Variants in APPL1 observed in about 807,000 individuals in gnomAD.
The protein encoded by APPL1 is DCC-interacting protein 13-alpha.
A neutral mutation model predicts 106.8 loss-of-function variants in APPL1; 42 were observed. The ratio of observed to expected loss-of-function variants is 0.39; its 90% confidence interval spans 0.31 to 0.51. The LOEUF is 0.51. APPL1 is among the 20% of genes least tolerant of loss of function. The probability of loss-of-function intolerance (pLI) is 0.75; values close to 1 mark genes in which losing one functional copy is unlikely to be tolerated. For synonymous variants in APPL1, 263 were observed against 281.8 expected (o/e 0.93, Z 0.67); for missense variants, 769 against 858.2 (o/e 0.90, Z 1.30).
chr3:57,254,854 A>G (rs1233049912), intron 13 of APPL1, among the ~76,000 whole-genome samples: 3 of 152,024 alleles, frequency 2.0e-5, no homozygotes, highest in African/African-American at 7.2e-5. Flanking sequence ...TGAACTTCCA[A>G]CTTCAGGTGA....
intron 4 of APPL1, among the ~76,000 whole-genome samples, chr3:57,240,162 C>T (rs1325818838): frequency 4.2e-5 from 6 of 143,958 alleles, no homozygotes; most frequent in South Asian, 4.6e-4. Flanking sequence ...CTTGATGGTG[C>T]GCTTTCATGC....
At chr3:57,235,481 C>A in intron 1 of APPL1, 85 bp from the exon 2 acceptor site, 1 of 788,260 alleles carries the variant, frequency 1.3e-6, no homozygotes, top group African/African-American at 1.7e-5. Flanking sequence ...TAATATCCTA[C>A]GATTTTTGCT....
chr3:57,236,946 T>A (rs1341610828), intron 2 of APPL1, among the ~76,000 whole-genome samples: 1 of 152,190 alleles, frequency 6.6e-6, no homozygotes, highest in Non-Finnish European at 1.5e-5. Flanking sequence ...TGTTGTTTAG[T>A]TTTTCCTTGT....
At position 57,228,925 on chromosome 3, in the gene APPL1, AAAG is replaced by A. The variant is rs1256254074; in HGVS notation, c.54+994_54+996del. Among the ~76,000 whole-genome samples the A allele has an allele frequency of 6.6e-6, 1 of 152,226 alleles. No homozygotes were observed. Among genetic ancestry groups the A allele is most frequent in the Non-Finnish European group, 1.5e-5 (1 of 68,040 alleles). On this transcript the variant is annotated intron_variant, in intron 1 of 21. Transcript: ENST00000288266. This position sits in a 1 kb window ranked among gnomAD's most constrained non-coding sequence, Gnocchi z 4.6. ...GTCTTTACAGTTGAACATGGCCCCC[AAAG>A]AAGAAAAGCAGAAGAGGTCTAGATC...
intron 11 of APPL1, among the ~76,000 whole-genome samples, chr3:57,250,165 G>A (rs1579391787): frequency 6.6e-6 from 1 of 151,984 alleles, no homozygotes; most frequent in East Asian, 1.9e-4. Flanking sequence ...TTTTGAGGCG[G>A]GGTCTTACTG....
In APPL1 at chr3:57,227,866, C is replaced by T. The variant is rs7643644; in HGVS notation, c.-18C>T. 19,381 of 1,458,332 alleles carry T rather than the reference C, an allele frequency of 0.013. 2,171 individuals are homozygous for T. In the African/African-American group the frequency reaches 0.25, roughly 18 times the overall value. 90.3% of individuals were successfully genotyped at this position (1,458,332 alleles called of 1,614,324 possible). On this transcript the variant is annotated 5_prime_UTR_variant, in exon 1 of 22. Transcript: ENST00000288266. The stretch of plus-strand genomic sequence containing the variant: ...GGGCGGCAGCTGCGTCTCCTGCCAC[C>T]GCCCTCCCTCCGCCACGATGCCGGG...
chr3:57,246,460 A>T (rs1007861975), intron 8 of APPL1, among the ~76,000 whole-genome samples: 1 of 152,244 alleles, frequency 6.6e-6, no homozygotes, highest in Non-Finnish European at 1.5e-5. Flanking sequence ...CTTGTTCACC[A>T]TAGCTGGGGA....
chr3:57,248,979 A>G (rs2107603406), intron 10 of APPL1, among the ~76,000 whole-genome samples: 1 of 152,354 alleles, frequency 6.6e-6, no homozygotes, highest in Non-Finnish European at 1.5e-5. Flanking sequence ...ATATATTTGT[A>G]ATTATAGCAC....
intron 11 of APPL1, among the ~76,000 whole-genome samples, chr3:57,250,847 G>A (rs1299801111): frequency 5.0e-4 from 61 of 121,396 alleles, no homozygotes; most frequent in Admixed American, 1.5e-3. Flanking sequence ...TCGCTCTGTC[G>A]CCCAGGCTGG....
chr3:57,253,834 AT>A, intron 13 of APPL1, 96 bp downstream of exon 13: 1 of 979,714 alleles, frequency 1.0e-6, no homozygotes, highest in Non-Finnish European at 1.3e-6. Context: ...AGGTTCTGTA[AT>A]TTTTTAATTT....
intron 7 of APPL1, among the ~76,000 whole-genome samples, chr3:57,245,608 T>A (rs1195607863): frequency 6.6e-6 from 1 of 151,838 alleles, no homozygotes; most frequent in Non-Finnish European, 1.5e-5. Context: ...AGTGGTGTGA[T>A]CTTGGCTCAC....
chr3:57,254,337 C>T (rs557042348), intron 13 of APPL1, among the ~76,000 whole-genome samples: 1 of 152,336 alleles, frequency 6.6e-6, no homozygotes, highest in Non-Finnish European at 1.5e-5. Flanking sequence ...ATGGCCTCTG[C>T]CCTCTAGGAG....
chr3:57,247,951 T>TA (rs1476917901), intron 9 of APPL1, among the ~76,000 whole-genome samples: 2 of 152,160 alleles, frequency 1.3e-5, no homozygotes, highest in African/African-American at 4.8e-5. Flanking sequence ...GTTTGAAAAT[T>TA]ACGCCAAAAT....
intron 1 of APPL1, among the ~76,000 whole-genome samples, chr3:57,234,993 A>G (rs2060708863): frequency 6.6e-6 from 1 of 152,188 alleles, no homozygotes; most frequent in Non-Finnish European, 1.5e-5. Flanking sequence ...TGGTAGAAAA[A>G]TGACAAAACA....
At chr3:57,258,165 TG>T (rs1168055965) in intron 15 of APPL1, among the ~76,000 whole-genome samples, 1 of 152,152 alleles carries the variant, frequency 6.6e-6, no homozygotes, top group East Asian at 1.9e-4. Context: ...AAACCTACTT[TG>T]TTTTGTTTTG....
At chr3:57,251,809 C>A (rs532008718) in intron 11 of APPL1, among the ~76,000 whole-genome samples, 2 of 151,872 alleles carry the variant, frequency 1.3e-5, no homozygotes, top group African/African-American at 4.8e-5. Flanking sequence ...ACTCTAATAT[C>A]TATAGAAAAG....
At chr3:57,262,813 GGTGTGTGTGTGTGTGTGTGTGT>G (rs4060605) in intron 19 of APPL1, among the ~76,000 whole-genome samples, 1 of 142,706 alleles carries the variant, frequency 7.0e-6, no homozygotes, top group Non-Finnish European at 1.5e-5. Flanking sequence ...GGGTACAAGG[GGTGTGTGTGTGTGTGTGTGTGT>G]GTGTGTGTGT....
chr3:57,230,583 ATTTCC>A (rs2060681271), intron 1 of APPL1: 1 of 242,898 alleles, frequency 4.1e-6, no homozygotes, highest in East Asian at 1.5e-4. Flanking sequence ...AAGACCACAC[ATTTCC>A]TTAACTGATT....
intron 1 of APPL1, among the ~76,000 whole-genome samples, chr3:57,232,740 C>T (rs573361216): frequency 1.6e-4 from 25 of 152,250 alleles, no homozygotes; most frequent in African/African-American, 4.1e-4. Flanking sequence ...CGGTGGCTCA[C>T]GCCTGTAATC....
Sources: allele counts gnomAD v4.1 joint callset (sites outside exome capture counted in the v4.1 genomes callset), GRCh38; gene constraint gnomAD v4.1.1; non-coding constraint Gnocchi (gnomAD v3.1); transcripts MANE v1.5; gene names NCBI Gene and HGNC (gene_info 2026-07-23, HGNC 2026-07-21).